IGF1R: variants seen among roughly 807,000 people sequenced by gnomAD.
IGF1R encodes insulin like growth factor 1 receptor, also known as insulin-like growth factor 1 receptor.
A neutral mutation model predicts 144.6 loss-of-function variants in IGF1R; 44 were observed. The observed-to-expected ratio is 0.30, with a 90% confidence interval of 0.24 to 0.39. The LOEUF (loss-of-function observed/expected upper bound fraction) is 0.39, where lower values mean the gene tolerates loss of function less well. Among genes scored for constraint, IGF1R ranks in the 10% least tolerant of loss-of-function variants. The pLI is 1.00. For missense variants in IGF1R, 1,355 were observed against 1,833.7 expected, an observed-to-expected ratio of 0.74 and a Z score of 4.77; for synonymous variants, 795 against 722.8, an observed-to-expected ratio of 1.10 and a Z score of -1.60.
chr15:98,818,362 A>G (rs947706818), intron 2 of IGF1R, among the ~76,000 whole-genome samples: 1 of 152,154 alleles, frequency 6.6e-6, no homozygotes, highest in Non-Finnish European at 1.5e-5. Context: ...GTTGGGGATG[A>G]GTGAGAAGCA....
chr15:98,829,171 T>TA (rs140761268), intron 2 of IGF1R, among the ~76,000 whole-genome samples: 221 of 152,330 alleles, frequency 1.5e-3, no homozygotes, highest in African/African-American at 5.1e-3. Context: ...AAGAGCTTCT[T>TA]ACCACATCTG....
At position 98,957,203 on chromosome 15, in the gene IGF1R, G is replaced by A. The variant is rs1356080771; in HGVS notation, c.3865G>A (p.Glu1289Lys). The A allele has an allele frequency of 8.1e-6, 13 of 1,614,094 alleles. No individual in the cohort carries two copies. Among genetic ancestry groups the A allele is most frequent in the Middle Eastern group, 1.6e-4 (1 of 6,084 alleles). Residue 1289 changes from glutamate to lysine, a missense_variant, in exon 21 of 21, where the codon GAG becomes AAG. Physicochemically the swap from Glu to Lys is moderately conservative, Grantham distance 56. Around this residue, in one of 7 missense-constraint regions of IGF1R, gnomAD observed 219 missense variants for 188.8 expected, o/e 1.16. Coordinates refer to ENST00000650285, the MANE Select transcript of IGF1R (RefSeq NM_000875.5). ...CTACAGCGAGGAGAACAAGCTGCCCGAGCCGGAGGAGCTGGACCTGGAGCC... is the reference window on the plus strand; with the variant it reads ...CTACAGCGAGGAGAACAAGCTGCCCAAGCCGGAGGAGCTGGACCTGGAGCC... ...FYYSEENKLP[E>K]PEELDLEPEN...
At chr15:98,866,319 C>T (rs2684781) in intron 2 of IGF1R, among the ~76,000 whole-genome samples, 106,456 of 152,094 alleles carry the variant, frequency 0.7, 38,642 homozygotes, top group Non-Finnish European at 0.8. Context: ...ATCTGCAGCA[C>T]GCTGCTTTCT....
chr15:98,897,790 G>A (rs1167458369), intron 4 of IGF1R, among the ~76,000 whole-genome samples: 1 of 152,170 alleles, frequency 6.6e-6, no homozygotes, highest in Non-Finnish European at 1.5e-5. Context: ...AGGGCTTCTA[G>A]TAATGGTGCC....
chr15:98,713,112 G>A lies in IGF1R; in HGVS notation c.640+5005G>A, dbSNP rs113654926. ...TGGTGCTCTCCCGTGCTGACCAGCC[G>A]GCACGGCTCACCTGGCCGAACTCTA... On this transcript the variant is annotated intron_variant, in intron 2 of 20. Transcript: ENST00000650285. Among the ~76,000 whole-genome samples, 20 of 151,904 alleles carry A rather than the reference G, an allele frequency of 1.3e-4. 1 individual carries two copies. The highest frequency in any genetic ancestry group is 4.6e-4 in the African/African-American group (19 of 41,408).
Position 98,901,780 on chromosome 15 carries a change from A to T in IGF1R, c.1247+2159A>T, listed in dbSNP as rs201415953. On this transcript the variant is annotated intron_variant, in intron 5 of 20. Transcript: ENST00000650285. ...GAGGTGGCATTTGAGATGGGCCTTG[A>T]AGGCTTTCGGGAAAAACTTGAGGAA... is the stretch of plus-strand genomic sequence containing the variant. Among the ~76,000 whole-genome samples the T allele has an allele frequency of 2.0e-5, 3 of 152,224 alleles. No homozygotes were observed. In the East Asian group the frequency reaches 5.8e-4, roughly 29 times the overall value.
chr15:98,791,725 A>G (rs1182363752), intron 2 of IGF1R, among the ~76,000 whole-genome samples: 2 of 152,248 alleles, frequency 1.3e-5, no homozygotes, highest in Admixed American at 6.5e-5. Context: ...TAGTGCTACA[A>G]TGAGATAAAT....
At chr15:98,835,433 T>G (rs1325465232) in intron 2 of IGF1R, among the ~76,000 whole-genome samples, 2 of 152,202 alleles carry the variant, frequency 1.3e-5, no homozygotes, top group Non-Finnish European at 2.9e-5. Context: ...GAGAGTGACT[T>G]TAATCGTGGC....
At chr15:98,913,371 A>G (rs2015108840) in intron 8 of IGF1R, 89 bp downstream of exon 8, 1 of 980,070 alleles carries the variant, frequency 1.0e-6, no homozygotes, top group African/African-American at 1.6e-5. Flanking sequence ...TAGGGTTAGC[A>G]GTGAGCTATG....
At chr15:98,849,328 A>G (rs2011458214) in intron 2 of IGF1R, among the ~76,000 whole-genome samples, 1 of 152,250 alleles carries the variant, frequency 6.6e-6, no homozygotes, top group Non-Finnish European at 1.5e-5. Flanking sequence ...GGGCATGTAA[A>G]TTATGGCCCA....
At chr15:98,794,108 G>T (rs1444008611) in intron 2 of IGF1R, among the ~76,000 whole-genome samples, 1 of 152,218 alleles carries the variant, frequency 6.6e-6, no homozygotes, top group Non-Finnish European at 1.5e-5. Flanking sequence ...ATTCAGTTCA[G>T]CTATGTGACT....
chr15:98,879,705 A>G (rs1567174904), intron 2 of IGF1R, among the ~76,000 whole-genome samples: 1 of 152,174 alleles, frequency 6.6e-6, no homozygotes, highest in African/African-American at 2.4e-5. Flanking sequence ...TGTACCTGTG[A>G]TTTTATCACT....
chr15:98,695,142 A>C (rs991012197), intron 1 of IGF1R, among the ~76,000 whole-genome samples: 7 of 152,242 alleles, frequency 4.6e-5, no homozygotes, highest in African/African-American at 1.7e-4. Context: ...TAACTCGTGC[A>C]AACAGTGTAT....
chr15:98,909,837 T>C (rs1308657424), intron 6 of IGF1R, among the ~76,000 whole-genome samples: 1 of 152,246 alleles, frequency 6.6e-6, no homozygotes, highest in Non-Finnish European at 1.5e-5. Flanking sequence ...CTTTAAGGTC[T>C]CATATCAGAG....
chr15:98,924,814 A>G, intron 13 of IGF1R, 130 bp downstream of exon 13: 1 of 865,726 alleles, frequency 1.2e-6, no homozygotes, highest in South Asian at 1.4e-5. Context: ...CAGAAGGGTC[A>G]TGCTAAGGTG....
At chr15:98,942,194 G>C in intron 18 of IGF1R, among the ~76,000 whole-genome samples, 1 of 152,152 alleles carries the variant, frequency 6.6e-6, no homozygotes, top group East Asian at 1.9e-4. Context: ...TGGTGGGGCA[G>C]TGCTACCAAG....
At chr15:98,796,224 CTG>C (rs983080138) in intron 2 of IGF1R, among the ~76,000 whole-genome samples, 23 of 151,978 alleles carry the variant, frequency 1.5e-4, no homozygotes, top group African/African-American at 5.6e-4. Context: ...TAGTAGTAGA[CTG>C]TGTGTGTCTC....
At chr15:98,703,376 A>AT in intron 1 of IGF1R, among the ~76,000 whole-genome samples, 1 of 151,920 alleles carries the variant, frequency 6.6e-6, no homozygotes, top group African/African-American at 2.4e-5. Flanking sequence ...AGTGGAGCAT[A>AT]TTTTCTTCTC....
intron 2 of IGF1R, among the ~76,000 whole-genome samples, chr15:98,858,500 T>TC (rs1423044431): frequency 6.6e-6 from 1 of 152,234 alleles, no homozygotes; most frequent in Non-Finnish European, 1.5e-5. Flanking sequence ...GAAAAATATT[T>TC]CCAACTTAAT....
Sources: gnomAD v4.1 joint callset for allele counts (sites outside exome capture counted in the v4.1 genomes callset) on GRCh38, gnomAD v4.1.1 for gene constraint, gnomAD v4.1.1 regional missense constraint, MANE v1.5 for transcripts, NCBI Gene and HGNC (gene_info 2026-07-23, HGNC 2026-07-21) for gene names.